INSL6: variants seen among roughly 807,000 people sequenced by gnomAD.
The protein encoded by INSL6 is insulin-like peptide INSL6.
A neutral mutation model predicts 9.4 loss-of-function variants in INSL6; 16 were observed. The observed-to-expected ratio is 1.70, with a 90% CI of 1.15 to 2.59. INSL6 has a LOEUF of 2.59. Ranked by LOEUF, INSL6 falls within the 30% of genes most tolerant of loss-of-function variation. INSL6 has a pLI of 0.00. For missense variants in INSL6, 391 were observed against 257.3 expected (o/e 1.52, Z -3.56); for synonymous variants, 154 against 96.9 (o/e 1.59, Z -3.46).
the INSL6 span, among the ~76,000 whole-genome samples, chr9:5,028,730 G>T: frequency 6.6e-6 from 1 of 152,172 alleles, no homozygotes; most frequent in Non-Finnish European, 1.5e-5. Context: ...TAGGGACATG[G>T]TTTCTTTTCT....
At chr9:5,092,107 A>G in the INSL6 span, among the ~76,000 whole-genome samples, 5 of 152,312 alleles carry the variant, frequency 3.3e-5, no homozygotes, top group Admixed American at 3.3e-4. Context: ...AGTAAGCACA[A>G]GTAAATACAT....
chr9:5,025,202 C>G, the INSL6 span, among the ~76,000 whole-genome samples: 1 of 152,072 alleles, frequency 6.6e-6, no homozygotes, highest in Non-Finnish European at 1.5e-5. Context: ...ACCATTTTCA[C>G]TGATGTTACT....
the INSL6 span, among the ~76,000 whole-genome samples, chr9:5,010,042 G>C: frequency 1.6e-3 from 241 of 152,284 alleles, 2 homozygotes; most frequent in East Asian, 0.021. Flanking sequence ...AAATTGCTGG[G>C]ATTGGAGGCA....
chr9:5,062,583 C>G, the INSL6 span, among the ~76,000 whole-genome samples: 1 of 140,054 alleles, frequency 7.1e-6, no homozygotes, highest in African/African-American at 2.8e-5. Context: ...CAAAATGTGT[C>G]TGTATATCAA....
chr9:5,163,832 C>T (rs1824980590), downstream of INSL6: 1 of 895,452 alleles, frequency 1.1e-6, no homozygotes, highest in Admixed American at 2.2e-5. Flanking sequence ...CATCATATCA[C>T]TTATATGCAC....
At chr9:5,148,657 G>A (rs974895327) in intron 2 of INSL6, among the ~76,000 whole-genome samples, 7 of 152,138 alleles carry the variant, frequency 4.6e-5, no homozygotes, top group African/African-American at 1.7e-4. Flanking sequence ...GAGAGTGTGG[G>A]CTCCTTCCCA....
chr9:5,146,359 A>C (rs1469214098), intron 2 of INSL6, among the ~76,000 whole-genome samples: 1 of 152,076 alleles, frequency 6.6e-6, no homozygotes, highest in Non-Finnish European at 1.5e-5. Flanking sequence ...GTGCTAGTGG[A>C]TTCAGGGGTG....
chr9:5,080,414 ATC>A, the INSL6 span: 1 of 1,560,214 alleles, frequency 6.4e-7, no homozygotes, highest in Non-Finnish European at 8.7e-7. Context: ...GAATTACTCT[ATC>A]TCTGAACTTT....
the INSL6 span, among the ~76,000 whole-genome samples, chr9:5,082,233 C>T: frequency 6.6e-6 from 1 of 152,174 alleles, no homozygotes; most frequent in Non-Finnish European, 1.5e-5. Flanking sequence ...TTCACTATCT[C>T]AGCAAGAGGA....
chr9:5,041,840 G>T, the INSL6 span: 834 of 475,440 alleles, frequency 1.8e-3, 7 homozygotes, highest in Non-Finnish European at 2.1e-3. Context: ...CCACCAATGG[G>T]GAGCTGAACG....
chr9:5,029,384 A>G, the INSL6 span, among the ~76,000 whole-genome samples: 2 of 152,244 alleles, frequency 1.3e-5, no homozygotes, highest in East Asian at 3.8e-4. Context: ...ATCACAGATC[A>G]TCATAACTGA....
the INSL6 span, among the ~76,000 whole-genome samples, chr9:5,014,343 C>T: frequency 3.9e-5 from 6 of 152,156 alleles, no homozygotes; most frequent in South Asian, 2.1e-4. Flanking sequence ...TTAATCAACA[C>T]ATGTTGACCA....
At chr9:5,035,485 C>T in the INSL6 span, among the ~76,000 whole-genome samples, 2 of 152,072 alleles carry the variant, frequency 1.3e-5, no homozygotes, top group Non-Finnish European at 1.5e-5. Flanking sequence ...AAATCCTCAA[C>T]AAAATACTGG....
chr9:5,140,051 T>C (rs561427336), intron 2 of INSL6, among the ~76,000 whole-genome samples: 6 of 152,262 alleles, frequency 3.9e-5, no homozygotes, highest in African/African-American at 1.2e-4. Context: ...ATAGTACATT[T>C]CTAAAAAGAA....
the INSL6 span, among the ~76,000 whole-genome samples, chr9:5,028,356 G>T: frequency 6.6e-6 from 1 of 152,124 alleles, no homozygotes. Context: ...AGTAAACCAC[G>T]CTATATACAG....
At chr9:5,024,204 C>T in the INSL6 span, among the ~76,000 whole-genome samples, 14 of 151,990 alleles carry the variant, frequency 9.2e-5, no homozygotes, top group Middle Eastern at 3.2e-3. Context: ...TGCAGTGAGC[C>T]GAGATTGCGC....
At chr9:5,064,821 C>A in the INSL6 span, 1 of 1,273,994 alleles carries the variant, frequency 7.8e-7, no homozygotes, top group Non-Finnish European at 1.1e-6. Flanking sequence ...AGAAAATTTT[C>A]AATATTTAAC....
intron 2 of INSL6, among the ~76,000 whole-genome samples, chr9:5,146,666 C>T (rs746479308): frequency 5.9e-5 from 9 of 152,214 alleles, no homozygotes; most frequent in Non-Finnish European, 2.9e-5. Flanking sequence ...CGGCAGTCAA[C>T]AGGGGTTGAG....
chr9:5,131,454 T>TTTTTTTTTTTTA (rs1824282070), intron 3 of INSL6, among the ~76,000 whole-genome samples: 2 of 148,676 alleles, frequency 1.3e-5, no homozygotes, highest in Admixed American at 6.6e-5. Flanking sequence ...TTTTTTTTTT[T>TTTTTTTTTTTTA]GAGACAGAGT....
Sources: allele counts gnomAD v4.1 joint callset (sites outside exome capture counted in the v4.1 genomes callset), GRCh38; gene constraint gnomAD v4.1.1; transcripts MANE v1.5; gene names NCBI Gene and HGNC (gene_info 2026-07-23, HGNC 2026-07-21).